Variants in MRTFB observed in about 807,000 individuals in gnomAD.
MRTFB encodes myocardin-related transcription factor B.
Under a neutral mutation model 104.2 loss-of-function variants are expected in MRTFB, and 29 were observed. The observed-to-expected ratio is 0.28, with a 90% CI of 0.21 to 0.38. The LOEUF is 0.38. Ranked by LOEUF, MRTFB falls within the 10% of genes least tolerant of loss-of-function variation. The probability of loss-of-function intolerance (pLI) is 1.00; values close to 1 mark genes in which losing one functional copy is unlikely to be tolerated. For synonymous variants in MRTFB, 535 were observed against 519.5 expected (o/e 1.03, Z -0.41); for missense variants, 1,270 against 1,341.6 (o/e 0.95, Z 0.83).
At chr16:14,087,146 C>T (rs2034760937) in intron 2 of MRTFB, among the ~76,000 whole-genome samples, 1 of 152,158 alleles carries the variant, frequency 6.6e-6, no homozygotes. Flanking sequence ...AGCCAACACT[C>T]GGGGCTTACT....
the MRTFB span, among the ~76,000 whole-genome samples, chr16:14,062,313 TG>T: frequency 0.019 from 2,922 of 152,244 alleles, 100 homozygotes; most frequent in African/African-American, 0.065. Flanking sequence ...TTGCCTAGGC[TG>T]GCTTTGAACT....
intron 3 of MRTFB, chr16:14,170,536 T>C (rs2039390007): frequency 6.6e-6 from 1 of 152,248 alleles, no homozygotes; most frequent in Non-Finnish European, 1.5e-5. Context: ...AATATCATTA[T>C]AAATGTGCCA....
chr16:14,212,471 C>T, intron 5 of MRTFB, 62 bp downstream of exon 5: 1 of 1,484,300 alleles, frequency 6.7e-7, no homozygotes, highest in Middle Eastern at 1.7e-4. Flanking sequence ...TTCTAAAATA[C>T]CTGTGTACAA....
intron 3 of MRTFB, among the ~76,000 whole-genome samples, chr16:14,158,973 TAAAAAAA>T (rs397854767): frequency 8.3e-6 from 1 of 119,910 alleles, no homozygotes; most frequent in Non-Finnish European, 1.9e-5. Context: ...TCATAAAGAT[TAAAAAAA>T]AAAAAAAAAA....
the MRTFB span, among the ~76,000 whole-genome samples, chr16:14,034,108 T>C: frequency 1.3e-5 from 2 of 152,190 alleles, no homozygotes; most frequent in Non-Finnish European, 2.9e-5. Context: ...TGCTGCTGTT[T>C]CTTGGCATTC....
In MRTFB at chr16:14,131,526, G is replaced by A. The variant is rs78078031; in HGVS notation, c.-63-9018G>A. On this transcript the variant is annotated intron_variant, in intron 2 of 16. Coordinates refer to ENST00000571589, the MANE Select transcript of MRTFB (RefSeq NM_001308142.2). ...TCAAGAAATGAAAAGTCAACCCACAGAATGGGAGAAAATATTTGCAAATCT... is the reference window on the plus strand; with the variant it reads ...TCAAGAAATGAAAAGTCAACCCACAAAATGGGAGAAAATATTTGCAAATCT... Among the ~76,000 whole-genome samples, 197 of 152,216 alleles carry A rather than the reference G, an allele frequency of 1.3e-3. 5 individuals are homozygous for A. In the East Asian group the frequency reaches 0.034, roughly 26 times the overall value.
At chr16:14,200,711 T>C in intron 3 of MRTFB, 1 of 1,528,520 alleles carries the variant, frequency 6.5e-7, no homozygotes, top group African/African-American at 1.4e-5. Context: ...TGAAACTGTG[T>C]CAGAGGCTGA....
the MRTFB span, chr16:14,015,883 G>A: frequency 0.22 from 89,635 of 398,454 alleles, 11,845 homozygotes; most frequent in Middle Eastern, 0.28. Flanking sequence ...GGTAAACACA[G>A]AGAACAGTCT....
intron 10 of MRTFB, among the ~76,000 whole-genome samples, chr16:14,244,610 C>T (rs1158998588): frequency 1.3e-5 from 2 of 152,132 alleles, no homozygotes; most frequent in Admixed American, 1.3e-4. Flanking sequence ...ACTGAAAATG[C>T]AGGGCTATTC....
intron 3 of MRTFB, chr16:14,200,932 C>T: frequency 6.9e-7 from 1 of 1,447,112 alleles, no homozygotes; most frequent in Non-Finnish European, 9.7e-7. Flanking sequence ...TTTTGGAAAG[C>T]AGTTTTTAAG....
At chr16:14,043,999 G>C in the MRTFB span, among the ~76,000 whole-genome samples, 1 of 152,186 alleles carries the variant, frequency 6.6e-6, no homozygotes, top group Non-Finnish European at 1.5e-5. Flanking sequence ...GGTGACATCT[G>C]AACTGTCACC....
At chr16:14,126,390 C>T (rs1381604761) in intron 2 of MRTFB, among the ~76,000 whole-genome samples, 1 of 152,050 alleles carries the variant, frequency 6.6e-6, no homozygotes, top group African/African-American at 2.4e-5. Flanking sequence ...ACCCTATTAT[C>T]ATTTATTCAT....
intron 2 of MRTFB, among the ~76,000 whole-genome samples, chr16:14,080,319 T>C (rs1289597271): frequency 6.6e-6 from 1 of 152,258 alleles, no homozygotes; most frequent in Non-Finnish European, 1.5e-5. Flanking sequence ...TTTGTTAATG[T>C]TAATGTATAT....
At chr16:14,025,691 A>G in the MRTFB span, among the ~76,000 whole-genome samples, 1 of 152,186 alleles carries the variant, frequency 6.6e-6, no homozygotes, top group African/African-American at 2.4e-5. Flanking sequence ...GAGGCTGAGT[A>G]AAATAACTGG....
chr16:14,060,071 A>G, the MRTFB span, among the ~76,000 whole-genome samples: 1 of 142,898 alleles, frequency 7.0e-6, no homozygotes, highest in Non-Finnish European at 1.5e-5. Context: ...CAGTGGCGCA[A>G]TCTCAGCTCA....
At chr16:14,151,135 C>T (rs2038594326) in intron 3 of MRTFB, 1 of 152,168 alleles carries the variant, frequency 6.6e-6, no homozygotes, top group South Asian at 2.1e-4. Flanking sequence ...GTACAATATC[C>T]ACTACAGTTG....
At chr16:14,209,472 T>C (rs906474497) in intron 3 of MRTFB, among the ~76,000 whole-genome samples, 5 of 152,154 alleles carry the variant, frequency 3.3e-5, no homozygotes, top group African/African-American at 1.2e-4. Flanking sequence ...CCCCTTATTT[T>C]GAAATAGTCT....
the MRTFB span, among the ~76,000 whole-genome samples, chr16:14,036,887 C>T: frequency 6.6e-6 from 1 of 152,102 alleles, no homozygotes. Context: ...TGAGTAGCAG[C>T]TTTCCCCTTT....
chr16:14,213,573 G>A lies in MRTFB; in HGVS notation c.305G>A (p.Arg102Gln), dbSNP rs2041289520. Residue 102 changes from arginine (R) to glutamine (Q), a missense_variant, in exon 6 of 17, where the codon CGG becomes CAG. Physicochemically the swap from Arg to Gln is conservative, Grantham distance 43. Transcript: ENST00000571589. ...GAAAACTTTTTGAAACACAAGATTC[G>A]GAGTCGACCAGATCGTTCTGAACTT... Reference protein sequence around the residue: ...RTENFLKHKIRSRPDRSELVR... With the variant: ...RTENFLKHKIQSRPDRSELVR... 3 of 1,596,906 alleles carry A rather than the reference G, an allele frequency of 1.9e-6. No individual in the cohort carries two copies. The highest frequency in any genetic ancestry group is 1.7e-6 in the Non-Finnish European group (2 of 1,172,092).
Sources: allele counts gnomAD v4.1 joint callset (sites outside exome capture counted in the v4.1 genomes callset), GRCh38; gene constraint gnomAD v4.1.1; transcripts MANE v1.5; gene names NCBI Gene and HGNC (gene_info 2026-07-23, HGNC 2026-07-21).